CYFIP1: variants seen among roughly 807,000 people sequenced by gnomAD.
CYFIP1 encodes cytoplasmic FMR1-interacting protein 1.
CYFIP1 carries 58 observed loss-of-function variants against 163.5 expected under a neutral mutation model. The observed-to-expected ratio is 0.35, with a 90% CI of 0.29 to 0.44. The LOEUF (loss-of-function observed/expected upper bound fraction) is 0.44, where lower values mean the gene tolerates loss of function less well. Among genes scored for constraint, CYFIP1 ranks in the 20% least tolerant of loss-of-function variants. The pLI is 1.00. For synonymous variants in CYFIP1, 663 were observed against 660.7 expected, an observed-to-expected ratio of 1.00 and a Z score of -0.05; for missense variants, 1,338 against 1,653.8, an observed-to-expected ratio of 0.81 and a Z score of 3.31.
chr15:22,960,999 CATTT>C (rs139765970), intron 1 of CYFIP1, among the ~76,000 whole-genome samples: 29,601 of 151,220 alleles, frequency 0.2, 3,100 homozygotes, highest in Middle Eastern at 0.23. Context: ...ATTTGTATTT[CATTT>C]ATTTATTTAT....
intron 1 of CYFIP1, among the ~76,000 whole-genome samples, chr15:22,965,599 C>T (rs543249418): frequency 6.6e-6 from 1 of 152,224 alleles, no homozygotes; most frequent in Non-Finnish European, 1.5e-5. Context: ...GATGCCCACA[C>T]AATGACAAAA....
At chr15:22,923,502 C>T (rs2061255773) in intron 13 of CYFIP1, among the ~76,000 whole-genome samples, 1 of 152,148 alleles carries the variant, frequency 6.6e-6, no homozygotes, top group Non-Finnish European at 1.5e-5. Context: ...CTGGAGCCCT[C>T]ACTTACTGCT....
chr15:22,934,312 G>A lies in CYFIP1; in HGVS notation c.901-419C>T, dbSNP rs573173851. ...CATCATTCTCCTGCCTCAGGCTCCCGAGTAGCTGGGACTACAGGCGCCCGC... is the reference window on the plus strand; with the variant it reads ...CATCATTCTCCTGCCTCAGGCTCCCAAGTAGCTGGGACTACAGGCGCCCGC... On this transcript the variant is annotated intron_variant, in intron 9 of 30. Transcript: ENST00000617928. Among the ~76,000 whole-genome samples, 319 of 148,400 alleles carry A rather than the reference G, an allele frequency of 2.1e-3. 1 individual carries two copies. The highest frequency in any genetic ancestry group is 3.8e-3 in the Non-Finnish European group (256 of 67,262).
At chr15:22,946,505 G>C (rs2062063793) in intron 3 of CYFIP1, among the ~76,000 whole-genome samples, 1 of 152,050 alleles carries the variant, frequency 6.6e-6, no homozygotes, top group Admixed American at 6.6e-5. Flanking sequence ...GCTGGGCGTA[G>C]TGGTGGGCGC....
intron 1 of CYFIP1, among the ~76,000 whole-genome samples, chr15:22,972,852 C>A (rs971410578): frequency 4.0e-5 from 6 of 151,866 alleles, no homozygotes; most frequent in African/African-American, 1.5e-4. Flanking sequence ...CAAAAAAACA[C>A]AAAAATTAGG....
Position 22,874,574 on chromosome 15 carries a change from C to G in CYFIP1, c.3186G>C (p.Leu1062=). The G allele has an allele frequency of 6.2e-7, 1 of 1,606,276 alleles. No individual in the cohort carries two copies. Among genetic ancestry groups the G allele is most frequent in the African/African-American group, 1.3e-5 (1 of 74,570 alleles). The change falls in exon 28 of 31, where the codon CTG becomes CTC. Residue 1062 remains leucine, a synonymous_variant. Transcript: ENST00000617928. Reference sequence around the variant, plus strand: ...CCTGAGGGGTCCCCAGTCTTTCAATCAGTGGGACAAGATGCAGCGGGGCGT... The same window carrying G: ...CCTGAGGGGTCCCCAGTCTTTCAATGAGTGGGACAAGATGCAGCGGGGCGT... The part of the protein sequence containing the change: ...SKYAPLHLVP[L]IERLGTPQQI...
intron 13 of CYFIP1, among the ~76,000 whole-genome samples, chr15:22,922,188 G>T (rs900270951): frequency 6.6e-6 from 1 of 152,094 alleles, no homozygotes. Flanking sequence ...GTGTGCCTGG[G>T]GCCCCGGGCC....
intron 1 of CYFIP1, among the ~76,000 whole-genome samples, chr15:22,955,640 T>C (rs911489090): frequency 2.6e-4 from 39 of 152,162 alleles, no homozygotes; most frequent in Non-Finnish European, 4.6e-4. Context: ...CATGCACCAG[T>C]GCTTCCACCA....
At chr15:22,904,248 C>T (rs1357036225) in intron 21 of CYFIP1, 2 of 337,716 alleles carry the variant, frequency 5.9e-6, no homozygotes, top group Admixed American at 4.3e-5. Flanking sequence ...TATAACCCAG[C>T]CGGCGGCTGC....
At chr15:22,932,431 C>A in intron 10 of CYFIP1, 91 bp from the exon 11 acceptor site, 1 of 750,688 alleles carries the variant, frequency 1.3e-6, no homozygotes, top group Non-Finnish European at 2.1e-6. Context: ...GGCACCAGAG[C>A]CACACAAATG....
At chr15:22,873,264 C>T (rs749098277) in intron 29 of CYFIP1, among the ~76,000 whole-genome samples, 1 of 152,178 alleles carries the variant, frequency 6.6e-6, no homozygotes, top group African/African-American at 2.4e-5. Context: ...GCACGCCCAA[C>T]GTGCATACAA....
intron 1 of CYFIP1, among the ~76,000 whole-genome samples, chr15:22,978,698 G>T (rs1189879877): frequency 6.6e-6 from 1 of 151,966 alleles, no homozygotes; most frequent in Admixed American, 6.6e-5. Flanking sequence ...TCTCTCTCAG[G>T]CTGTATCCGA....
rs775777587 is a variant in CYFIP1 at position 22,912,272 on chromosome 15, G to A, written c.1989C>T (p.Tyr663=). The A allele has an allele frequency of 5.6e-6, 9 of 1,611,348 alleles. No individual in the cohort carries two copies. The East Asian group carries it at 1.1e-4, about 20-fold the overall frequency. The change falls in exon 18 of 31, where the codon TAC becomes TAT. Residue 663 remains tyrosine, a synonymous_variant. Transcript: ENST00000617928. ...TGTACAGGTCCAGGGAGTAGAGCAC[G>A]TACCTGCAGAGGACAGCAGCAGTGT... The part of the protein sequence containing the change: ...LETKEASMME[Y]VLYSLDLYND...
At chr15:22,902,010 T>TC (rs2060409086) in intron 22 of CYFIP1, among the ~76,000 whole-genome samples, 1 of 152,194 alleles carries the variant, frequency 6.6e-6, no homozygotes, top group African/African-American at 2.4e-5. Flanking sequence ...ACCTCAAGTG[T>TC]CCCCAGGCAC....
intron 21 of CYFIP1, among the ~76,000 whole-genome samples, chr15:22,908,087 G>T (rs2060644329): frequency 6.6e-6 from 1 of 151,984 alleles, no homozygotes; most frequent in Non-Finnish European, 1.5e-5. Context: ...CCTTAGTCTT[G>T]CCTCTTCCTG....
rs759739822 is a variant in CYFIP1, at chr15:22,869,034, A to C, written c.*994T>G. ...GTGACTCTACTGGTAGTCTAGACCGATTGTTTTTCATTCTGACAGATCATG... is the reference window on the plus strand; with the variant it reads ...GTGACTCTACTGGTAGTCTAGACCGCTTGTTTTTCATTCTGACAGATCATG... On this transcript the variant is annotated 3_prime_UTR_variant, in exon 31 of 31. Transcript: ENST00000617928. The C allele has an allele frequency of 7.9e-5, 12 of 152,152 alleles. No individual in the cohort carries two copies. Among genetic ancestry groups the C allele is most frequent in the African/African-American group, 1.2e-4 (5 of 41,430 alleles). 9.4% of individuals were successfully genotyped at this position (152,152 alleles called of 1,614,324 possible).
chr15:22,871,355 CAAG>C (rs1394494002), intron 30 of CYFIP1, among the ~76,000 whole-genome samples: 4 of 152,118 alleles, frequency 2.6e-5, no homozygotes, highest in African/African-American at 4.8e-5. Flanking sequence ...TGTCAGTTAC[CAAG>C]AAGATTTGAA....
At chr15:22,895,664 G>A (rs551570221) in intron 22 of CYFIP1, among the ~76,000 whole-genome samples, 12 of 152,180 alleles carry the variant, frequency 7.9e-5, no homozygotes, top group Middle Eastern at 3.2e-3. Flanking sequence ...GGCCACACCA[G>A]AAAGACAGCA....
At chr15:22,885,522 G>A (rs2059905194) in intron 23 of CYFIP1, among the ~76,000 whole-genome samples, 1 of 152,172 alleles carries the variant, frequency 6.6e-6, no homozygotes, top group Non-Finnish European at 1.5e-5. Context: ...CACAAGGTCA[G>A]GAGTTTGAGA....
Sources: allele counts gnomAD v4.1 joint callset (sites outside exome capture counted in the v4.1 genomes callset), GRCh38; gene constraint gnomAD v4.1.1; transcripts MANE v1.5; gene names NCBI Gene and HGNC (gene_info 2026-07-23, HGNC 2026-07-21).